PCM1: variants seen among roughly 807,000 people sequenced by gnomAD.
PCM1 encodes the protein pericentriolar material 1.
In PCM1, 157 loss-of-function variants were observed where a neutral mutation model predicts 241.9. The observed-to-expected ratio is 0.65, with a 90% CI of 0.57 to 0.74. PCM1 has a LOEUF of 0.74. Among genes scored for constraint, PCM1 ranks in the 30% least tolerant of loss-of-function variants. The probability of loss-of-function intolerance (pLI) is 0.00; values close to 1 mark genes in which losing one functional copy is unlikely to be tolerated. For synonymous variants in PCM1, 1,085 were observed against 784.9 expected (o/e 1.38, Z -6.39); for missense variants, 3,478 against 2,360.1 (o/e 1.47, Z -9.81).
Position 17,951,361 on chromosome 8 carries a change from C to T in PCM1, c.1071+637C>T, listed in dbSNP as rs192001736. 5.9e-4 allele frequency among the ~76,000 whole-genome samples: 90 copies of T among 152,254 alleles called. No individual in the cohort carries two copies. In the South Asian group the frequency reaches 8.9e-3, roughly 15 times the overall value. ...TGAAAATGAGAGAATATGGCCCAAC[C>T]ACTTTGGAGAGTTATATAGCAGTAC... On this transcript the variant is annotated intron_variant, in intron 8 of 38. Coordinates refer to ENST00000325083, the MANE Select transcript of PCM1 (RefSeq NM_006197.4).
At chr8:17,936,101 T>A (rs1476590125) in intron 3 of PCM1, among the ~76,000 whole-genome samples, 4 of 152,226 alleles carry the variant, frequency 2.6e-5, no homozygotes, top group Non-Finnish European at 5.9e-5. Flanking sequence ...GTCCATGTGA[T>A]ATACTGTGGC....
chr8:17,990,067 G>GA, intron 27 of PCM1, 88 bp downstream of exon 27: 1 of 1,072,386 alleles, frequency 9.3e-7, no homozygotes, highest in Non-Finnish European at 1.3e-6. Context: ...AACAAGTCTA[G>GA]AAAGGCGAAG....
At chr8:18,017,636 C>T (rs2093351341) in intron 36 of PCM1, among the ~76,000 whole-genome samples, 2 of 152,134 alleles carry the variant, frequency 1.3e-5, no homozygotes, top group Non-Finnish European at 2.9e-5. Flanking sequence ...GGCAGATCAC[C>T]TGAGGTCGGG....
rs753649619 is a variant in PCM1, at chr8:17,957,628, G to T, written c.1893G>T (p.Glu631Asp). ...DEEEEEEAEE[E>D]GVSGASLSSH... ...AGGAGGAGGAAGAAGCAGAAGAGGA[G>T]GGAGTCAGTGGAGCTTCATTATCTA... is the stretch of plus-strand genomic sequence containing the variant. The change falls in exon 13 of 39, where the codon GAG becomes GAT. Residue 631 changes from glutamate (E) to aspartate (D), a missense_variant. By Grantham distance (45) the Glu-to-Asp change is conservative. Transcript: ENST00000325083. 6.3e-7 allele frequency: 1 copy of T among 1,585,036 alleles called. No individual in the cohort carries two copies. Among genetic ancestry groups the T allele is most frequent in the South Asian group, 1.1e-5 (1 of 88,128 alleles).
intron 22 of PCM1, 57 bp downstream of exon 22, chr8:17,969,805 A>T (rs187126379): frequency 7.0e-6 from 9 of 1,281,416 alleles, no homozygotes; most frequent in African/African-American, 1.5e-5. Flanking sequence ...GATTACATCT[A>T]ATTATGTGTA....
At chr8:17,981,061 C>T (rs2080581893) in intron 24 of PCM1, among the ~76,000 whole-genome samples, 1 of 152,178 alleles carries the variant, frequency 6.6e-6, no homozygotes, top group Non-Finnish European at 1.5e-5. Context: ...ATCATGTCAT[C>T]TCCTGCTTCA....
intron 8 of PCM1, among the ~76,000 whole-genome samples, chr8:17,951,506 A>T (rs1296293226): frequency 6.6e-6 from 1 of 152,238 alleles, no homozygotes; most frequent in Admixed American, 6.5e-5. Context: ...AACCAGAAAC[A>T]GCCCAAATGT....
chr8:17,943,250 T>C (rs1180966022), intron 6 of PCM1, among the ~76,000 whole-genome samples: 1 of 151,350 alleles, frequency 6.6e-6, no homozygotes, highest in Admixed American at 6.6e-5. Context: ...ATTTTGGCAG[T>C]TTTTTTATTT....
At chr8:17,941,447 A>G (rs952396463) in intron 6 of PCM1, among the ~76,000 whole-genome samples, 11 of 152,110 alleles carry the variant, frequency 7.2e-5, no homozygotes, top group Admixed American at 4.6e-4. Context: ...GCTTAGTTAC[A>G]GTAAGCAACA....
At chr8:17,938,245 A>G (rs141966687) in intron 4 of PCM1, among the ~76,000 whole-genome samples, 43 of 152,178 alleles carry the variant, frequency 2.8e-4, no homozygotes, top group African/African-American at 1.0e-3. Flanking sequence ...GATGGTCTGC[A>G]GTGAAAACGC....
intron 29 of PCM1, among the ~76,000 whole-genome samples, chr8:18,002,928 C>A (rs1192705161): frequency 6.6e-6 from 1 of 152,172 alleles, no homozygotes; most frequent in Admixed American, 6.5e-5. Context: ...TTCAACTCTC[C>A]TACTAGAGTT....
At chr8:17,962,251 A>C in intron 16 of PCM1, 77 bp downstream of exon 16, 2 of 1,303,796 alleles carry the variant, frequency 1.5e-6, no homozygotes, top group East Asian at 2.6e-5. Context: ...GGCACATCTC[A>C]AGAAAGGAAA....
chr8:17,991,909 C>A (rs906232952), intron 28 of PCM1, among the ~76,000 whole-genome samples: 3 of 152,146 alleles, frequency 2.0e-5, no homozygotes, highest in Non-Finnish European at 4.4e-5. Flanking sequence ...TATGTCTTTG[C>A]ATACTCATAG....
intron 7 of PCM1, among the ~76,000 whole-genome samples, chr8:17,949,228 A>G (rs1297054719): frequency 6.6e-6 from 1 of 152,158 alleles, no homozygotes; most frequent in African/African-American, 2.4e-5. Context: ...GGGGCATGCT[A>G]ATGAAAAGCC....
chr8:17,961,878 A>G (rs1011813958), intron 15 of PCM1, among the ~76,000 whole-genome samples, 156 bp from the exon 16 acceptor site: 1 of 151,884 alleles, frequency 6.6e-6, no homozygotes. Context: ...TTGTTTTCTT[A>G]TTTCATGTTA....
At chr8:18,026,435 T>C (rs1349568438) in intron 38 of PCM1, among the ~76,000 whole-genome samples, 1 of 151,152 alleles carries the variant, frequency 6.6e-6, no homozygotes, top group Admixed American at 6.6e-5. Context: ...TTTTTTTGTA[T>C]TTTTTAAGTA....
intron 2 of PCM1, among the ~76,000 whole-genome samples, chr8:17,928,391 C>T (rs2057819955): frequency 6.6e-6 from 1 of 152,150 alleles, no homozygotes; most frequent in Non-Finnish European, 1.5e-5. Flanking sequence ...GTCCTTCCTA[C>T]TTCACAACAC....
intron 4 of PCM1, among the ~76,000 whole-genome samples, chr8:17,938,017 C>G (rs760679345): frequency 6.6e-6 from 1 of 152,082 alleles, no homozygotes; most frequent in East Asian, 1.9e-4. Flanking sequence ...CTTTTTCAGA[C>G]AGTTCTTCAT....
In PCM1 at chr8:17,939,661, CTT is replaced by C; in HGVS notation, c.613-24_613-23del. On this transcript the variant is annotated intron_variant, in intron 5 of 38. Coordinates refer to ENST00000325083, the MANE Select transcript of PCM1 (RefSeq NM_006197.4). The stretch of plus-strand genomic sequence containing the variant: ...GTTTTATATATTGTGTACTTTCATG[CTT>C]TTTTTAAAAAAAATATTTCCCCTGC... The C allele has an allele frequency of 3.6e-6, 5 of 1,396,460 alleles. No individual in the cohort carries two copies. In the South Asian group the frequency reaches 4.4e-5, roughly 12 times the overall value. The allele number at this position is 1,396,460 out of a possible 1,614,324, so 86.5% of individuals were successfully genotyped here. A position where few individuals can be genotyped will look rare whatever the true frequency, so the allele number is the denominator to read the frequency against.
Sources: allele counts gnomAD v4.1 joint callset (sites outside exome capture counted in the v4.1 genomes callset), GRCh38; gene constraint gnomAD v4.1.1; transcripts MANE v1.5; gene names NCBI Gene and HGNC (gene_info 2026-07-23, HGNC 2026-07-21).